The following ITGA9 variants were observed in gnomAD, a reference collection of about 807,000 sequenced individuals.
ITGA9 encodes the protein integrin subunit alpha 9.
A neutral mutation model predicts 127.8 loss-of-function variants in ITGA9; 56 were observed. That is an observed-to-expected ratio of 0.44 (90% confidence interval 0.35 to 0.55). The LOEUF (loss-of-function observed/expected upper bound fraction) is 0.55. ITGA9 is among the 20% of genes least tolerant of loss of function. ITGA9 has a pLI of 0.00. For synonymous variants in ITGA9, 508 were observed against 514.5 expected, an observed-to-expected ratio of 0.99 and a Z score of 0.17; for missense variants, 1,196 against 1,347.1, an observed-to-expected ratio of 0.89 and a Z score of 1.76.
intron 15 of ITGA9, among the ~76,000 whole-genome samples, chr3:37,581,886 A>G (rs1699713039): frequency 6.6e-6 from 1 of 152,176 alleles, no homozygotes; most frequent in South Asian, 2.1e-4. Context: ...TCAATTGGAT[A>G]CATCTGGTAG....
At chr3:37,605,126 T>C (rs1488722302) in intron 15 of ITGA9, among the ~76,000 whole-genome samples, 1 of 151,994 alleles carries the variant, frequency 6.6e-6, no homozygotes, top group Non-Finnish European at 1.5e-5. Context: ...TACTGCTAAG[T>C]GTTGGTCAGG....
chr3:37,529,146 C>T (rs1699124111), intron 13 of ITGA9, among the ~76,000 whole-genome samples: 1 of 152,218 alleles, frequency 6.6e-6, no homozygotes, highest in South Asian at 2.1e-4. Flanking sequence ...CATCCATCCT[C>T]TTGTTGACAG....
chr3:37,533,297 C>T lies in ITGA9; in HGVS notation c.1374-17C>T, dbSNP rs1253335866. On this transcript the variant is annotated splice_polypyrimidine_tract_variant and intron_variant, in intron 13 of 27. Transcript: ENST00000264741. Reference sequence around the variant, plus strand: ...CTCCTTACCACGACTAAGTCACCTTCCTCTCTTGCCCTGCAGAGCAAGGCC... The same window carrying T: ...CTCCTTACCACGACTAAGTCACCTTTCTCTCTTGCCCTGCAGAGCAAGGCC... 2 of 1,613,798 alleles carry T rather than the reference C, an allele frequency of 1.2e-6. No individual in the cohort carries two copies. The highest frequency in any genetic ancestry group is 1.7e-6 in the Non-Finnish European group (2 of 1,179,714).
intron 1 of ITGA9, among the ~76,000 whole-genome samples, chr3:37,462,141 G>C (rs1160172311): frequency 1.3e-5 from 2 of 152,192 alleles, no homozygotes; most frequent in East Asian, 3.9e-4. Flanking sequence ...CAGTCCTTTT[G>C]CCTTGCCTCC....
chr3:37,499,047 G>C (rs1464072189), intron 5 of ITGA9, among the ~76,000 whole-genome samples: 3 of 152,216 alleles, frequency 2.0e-5, no homozygotes, highest in African/African-American at 7.2e-5. Flanking sequence ...TAAGGTGCCT[G>C]CTTGACCTAC....
chr3:37,667,474 C>T (rs535660017), intron 17 of ITGA9, among the ~76,000 whole-genome samples: 10 of 152,306 alleles, frequency 6.6e-5, no homozygotes, highest in South Asian at 2.1e-4. Context: ...GTCCACAGCA[C>T]GTCCACAGGC....
At chr3:37,557,827 C>T (rs559368921) in intron 15 of ITGA9, among the ~76,000 whole-genome samples, 2 of 152,188 alleles carry the variant, frequency 1.3e-5, no homozygotes, top group East Asian at 3.9e-4. Context: ...AATAAAATCT[C>T]ATTTTACCAT....
chr3:37,499,509 A>G (rs1698767009), intron 5 of ITGA9, among the ~76,000 whole-genome samples: 1 of 152,206 alleles, frequency 6.6e-6, no homozygotes. Context: ...AGAAGCTTTC[A>G]TTTGTGTGTG....
At chr3:37,554,101 G>A (rs999623866) in intron 15 of ITGA9, among the ~76,000 whole-genome samples, 3 of 152,164 alleles carry the variant, frequency 2.0e-5, no homozygotes, top group African/African-American at 7.2e-5. Context: ...TTATATCCCA[G>A]TAGGGGGAGA....
intron 15 of ITGA9, among the ~76,000 whole-genome samples, chr3:37,592,246 A>C (rs1254695698): frequency 6.6e-6 from 1 of 152,190 alleles, no homozygotes; most frequent in East Asian, 1.9e-4. Flanking sequence ...ACAAACCCTC[A>C]GTTTTCAATT....
intron 1 of ITGA9, among the ~76,000 whole-genome samples, chr3:37,470,140 G>GTTTTTTTTTT (rs71288094): frequency 2.3e-5 from 3 of 133,102 alleles, no homozygotes; most frequent in Non-Finnish European, 3.1e-5. Context: ...GTTTCTTCTT[G>GTTTTTTTTTT]TTTTTTTTTT....
At chr3:37,454,910 G>A (rs1223089330) in intron 1 of ITGA9, among the ~76,000 whole-genome samples, 3 of 152,182 alleles carry the variant, frequency 2.0e-5, no homozygotes, top group Admixed American at 6.5e-5. Context: ...TTTGGAGCAA[G>A]TGACTTCCAA....
chr3:37,626,138 T>TA (rs1313528802), intron 15 of ITGA9, among the ~76,000 whole-genome samples: 1 of 152,206 alleles, frequency 6.6e-6, no homozygotes, highest in East Asian at 1.9e-4. Context: ...ATTTGTCACT[T>TA]ATTCCCATTC....
chr3:37,568,410 C>T (rs542797289), intron 15 of ITGA9, among the ~76,000 whole-genome samples: 5 of 152,224 alleles, frequency 3.3e-5, no homozygotes, highest in Non-Finnish European at 7.3e-5. Flanking sequence ...ACATTTTCCC[C>T]ATTGTCATGG....
chr3:37,787,603 A>G (rs968230600), intron 26 of ITGA9, among the ~76,000 whole-genome samples: 5 of 151,994 alleles, frequency 3.3e-5, no homozygotes, highest in Non-Finnish European at 7.4e-5. Flanking sequence ...AAGTTCTACA[A>G]TCTGTTGTTC....
intron 10 of ITGA9, among the ~76,000 whole-genome samples, chr3:37,518,793 TTTTTTTTTTG>T (rs1699013781): frequency 7.5e-6 from 1 of 132,678 alleles, no homozygotes; most frequent in African/African-American, 3.0e-5. Flanking sequence ...TTTTTTTTTT[TTTTTTTTTTG>T]AGATGGAGTC....
At chr3:37,540,954 T>A (rs1357471611) in intron 14 of ITGA9, among the ~76,000 whole-genome samples, 1 of 152,250 alleles carries the variant, frequency 6.6e-6, no homozygotes, top group East Asian at 1.9e-4. Context: ...CTCTGCTGAC[T>A]AGGAATTTGC....
intron 16 of ITGA9, among the ~76,000 whole-genome samples, chr3:37,643,836 G>T (rs930475524): frequency 6.6e-6 from 1 of 152,152 alleles, no homozygotes; most frequent in Non-Finnish European, 1.5e-5. Context: ...GTCTTGCTGG[G>T]ATCCTCTCTG....
chr3:37,798,592 G>T (rs1559602033), intron 26 of ITGA9, among the ~76,000 whole-genome samples: 1 of 152,182 alleles, frequency 6.6e-6, no homozygotes, highest in African/African-American at 2.4e-5. Context: ...ACTGGTGGAG[G>T]TCCCAAATTC....
Sources: gnomAD v4.1 joint callset for allele counts (sites outside exome capture counted in the v4.1 genomes callset) on GRCh38, gnomAD v4.1.1 for gene constraint, MANE v1.5 for transcripts, NCBI Gene and HGNC (gene_info 2026-07-23, HGNC 2026-07-21) for gene names.